Variants in SPAG16 observed in about 807,000 individuals in gnomAD.
SPAG16 encodes the protein sperm associated antigen 16.
Under a neutral mutation model 80.4 loss-of-function variants are expected in SPAG16, and 86 were observed. The ratio of observed to expected loss-of-function variants is 1.07; its 90% CI spans 0.90 to 1.28. The LOEUF is 1.28. Among genes scored for constraint, SPAG16 ranks in the 50% most tolerant of loss-of-function variants. The pLI, the probability that SPAG16 is intolerant of heterozygous loss-of-function variation, is 0.00. For missense variants in SPAG16, 870 were observed against 765.3 expected (o/e 1.14, Z -1.61); for synonymous variants, 294 against 265.9 (o/e 1.11, Z -1.03).
At chr2:213,533,568 T>C (rs1474931467) in intron 10 of SPAG16, among the ~76,000 whole-genome samples, 1 of 152,186 alleles carries the variant, frequency 6.6e-6, no homozygotes, top group Non-Finnish European at 1.5e-5. Flanking sequence ...AGGTTGATTG[T>C]AATATATTTT....
intron 15 of SPAG16, among the ~76,000 whole-genome samples, chr2:214,345,676 C>T (rs1277997560): frequency 1.3e-5 from 2 of 152,138 alleles, no homozygotes; most frequent in Non-Finnish European, 1.5e-5. Flanking sequence ...TCAAAAGCCA[C>T]CCACAAGCCC....
chr2:213,641,393 T>A (rs1414245411), intron 10 of SPAG16, among the ~76,000 whole-genome samples: 2 of 152,222 alleles, frequency 1.3e-5, no homozygotes, highest in African/African-American at 4.8e-5. Context: ...GCTTTGCCCT[T>A]CCCTGTCTGC....
chr2:214,103,028 T>G (rs555118693), intron 13 of SPAG16, among the ~76,000 whole-genome samples: 1 of 152,244 alleles, frequency 6.6e-6, no homozygotes, highest in African/African-American at 2.4e-5. Context: ...CCTTTGGAAT[T>G]GAGCACAGGC....
intron 10 of SPAG16, among the ~76,000 whole-genome samples, chr2:213,780,807 A>G (rs1448687795): frequency 2.0e-5 from 3 of 152,072 alleles, no homozygotes; most frequent in Non-Finnish European, 2.9e-5. Flanking sequence ...TCATCTTATA[A>G]ATACTTGGCT....
At chr2:213,889,840 C>T (rs555043829) in intron 11 of SPAG16, among the ~76,000 whole-genome samples, 3 of 151,424 alleles carry the variant, frequency 2.0e-5, no homozygotes, top group South Asian at 4.2e-4. Context: ...AGCCTCTAAT[C>T]AACTAAATAT....
chr2:213,836,797 A>G lies in SPAG16; in HGVS notation c.1071-25688A>G, dbSNP rs113357046. 3.3e-5 allele frequency among the ~76,000 whole-genome samples: 5 copies of G among 152,096 alleles called. 1 individual carries two copies. Among genetic ancestry groups the G allele is most frequent in the African/African-American group, 9.6e-5 (4 of 41,512 alleles). On this transcript the variant is annotated intron_variant, in intron 10 of 15. Transcript: ENST00000331683. ...CCTGGCTAATTTTTGTATTTTCAGT[A>G]GAGATGGGGTTTTGCCATGTTGGCC...
At chr2:213,594,469 A>G (rs1469012406) in intron 10 of SPAG16, among the ~76,000 whole-genome samples, 1 of 152,104 alleles carries the variant, frequency 6.6e-6, no homozygotes, top group Non-Finnish European at 1.5e-5. Context: ...GTTCTTCCTT[A>G]TGACTGTTGT....
intron 13 of SPAG16, among the ~76,000 whole-genome samples, chr2:214,020,461 A>G (rs1255139890): frequency 6.6e-6 from 1 of 152,298 alleles, no homozygotes; most frequent in African/African-American, 2.4e-5. Context: ...TGACCAAAAA[A>G]TAACAATGAC....
intron 13 of SPAG16, among the ~76,000 whole-genome samples, chr2:214,019,330 G>A (rs2047742394): frequency 6.6e-6 from 1 of 151,964 alleles, no homozygotes; most frequent in Non-Finnish European, 1.5e-5. Context: ...CACAGAATGA[G>A]AATGAGATGA....
intron 13 of SPAG16, among the ~76,000 whole-genome samples, chr2:214,059,214 A>ATATG (rs2050115704): frequency 1.1e-5 from 1 of 92,580 alleles, no homozygotes; most frequent in African/African-American, 4.3e-5. Context: ...ATATATATAT[A>ATATG]TGTATGTGTA....
chr2:214,138,970 G>T (rs188420598), intron 14 of SPAG16, among the ~76,000 whole-genome samples: 2 of 152,182 alleles, frequency 1.3e-5, no homozygotes, highest in East Asian at 3.9e-4. Context: ...GTGATCTTGG[G>T]CTGGGTAACC....
At chr2:214,202,843 T>C (rs1464492305) in intron 15 of SPAG16, among the ~76,000 whole-genome samples, 1 of 152,168 alleles carries the variant, frequency 6.6e-6, no homozygotes, top group Non-Finnish European at 1.5e-5. Context: ...AATACTCTAT[T>C]TTGAATTTTC....
At chr2:213,320,222 C>A (rs1012950237) in intron 5 of SPAG16, among the ~76,000 whole-genome samples, 1 of 151,828 alleles carries the variant, frequency 6.6e-6, no homozygotes, top group Non-Finnish European at 1.5e-5. Context: ...ATTGATACAT[C>A]ATAATTGTAC....
chr2:214,228,114 G>T (rs1688408691), intron 15 of SPAG16, among the ~76,000 whole-genome samples: 1 of 151,934 alleles, frequency 6.6e-6, no homozygotes, highest in South Asian at 2.1e-4. Flanking sequence ...CCAATTAGTA[G>T]AGTGGGCCAA....
At chr2:213,904,940 T>C (rs1233463873) in intron 11 of SPAG16, among the ~76,000 whole-genome samples, 2 of 152,118 alleles carry the variant, frequency 1.3e-5, no homozygotes, top group Non-Finnish European at 2.9e-5. Context: ...TGAGAAACCA[T>C]TGGAGAGTTT....
chr2:213,761,522 T>C lies in SPAG16; in HGVS notation c.1071-100963T>C, dbSNP rs546410393. On this transcript the variant is annotated intron_variant, in intron 10 of 15. Transcript: ENST00000331683. ...ACAAAACTTTAGCTAAATAAACTAA[T>C]AAAAAATGAGAGAAAAGATTCAAGT... Among the ~76,000 whole-genome samples, 3 of 151,978 alleles carry C rather than the reference T, an allele frequency of 2.0e-5. No homozygotes were observed. In the East Asian group the frequency reaches 5.8e-4, roughly 29 times the overall value.
chr2:213,505,264 ACT>A (rs2074922367), intron 10 of SPAG16, among the ~76,000 whole-genome samples: 1 of 152,180 alleles, frequency 6.6e-6, no homozygotes, highest in Non-Finnish European at 1.5e-5. Context: ...TGTCAAAACT[ACT>A]AGCTGCAGTT....
At chr2:214,408,289 G>T (rs895750492) in intron 15 of SPAG16, among the ~76,000 whole-genome samples, 1 of 152,062 alleles carries the variant, frequency 6.6e-6, no homozygotes, top group African/African-American at 2.4e-5. Context: ...CTTTTCAGCT[G>T]TTGTATAAAG....
At chr2:214,012,220 A>G (rs1407625504) in intron 12 of SPAG16, among the ~76,000 whole-genome samples, 2 of 142,174 alleles carry the variant, frequency 1.4e-5, no homozygotes, top group Non-Finnish European at 3.0e-5. Context: ...ATACATATGT[A>G]TATATATACT....
Sources: allele counts gnomAD v4.1 joint callset (sites outside exome capture counted in the v4.1 genomes callset), GRCh38; gene constraint gnomAD v4.1.1; transcripts MANE v1.5; gene names NCBI Gene and HGNC (gene_info 2026-07-23, HGNC 2026-07-21).